HOMER2: variants seen among roughly 807,000 people sequenced by gnomAD.
The protein encoded by HOMER2 is homer scaffold protein 2.
HOMER2 carries 27 observed loss-of-function variants against 47.0 expected under a neutral mutation model. That is an observed-to-expected ratio of 0.57 (90% CI 0.42 to 0.79). HOMER2 has a LOEUF of 0.79. Among genes scored for constraint, HOMER2 ranks in the 30% least tolerant of loss-of-function variants. The pLI is 0.00. For synonymous variants in HOMER2, 161 were observed against 163.8 expected, an observed-to-expected ratio of 0.98 and a Z score of 0.13; for missense variants, 443 against 435.0, an observed-to-expected ratio of 1.02 and a Z score of -0.16.
At chr15:82,909,328 A>C (rs903525919) in intron 1 of HOMER2, among the ~76,000 whole-genome samples, 1 of 152,170 alleles carries the variant, frequency 6.6e-6, no homozygotes, top group Non-Finnish European at 1.5e-5. Flanking sequence ...AGGGAGGGGA[A>C]AGGGGTCTTC....
intron 2 of HOMER2, among the ~76,000 whole-genome samples, chr15:82,891,490 C>G (rs148500660): frequency 6.6e-6 from 1 of 152,156 alleles, no homozygotes; most frequent in Admixed American, 6.5e-5. Flanking sequence ...CTGAAGAGAT[C>G]GGGAGGCACC....
chr15:82,938,922 GT>G (rs2054200409), intron 1 of HOMER2, among the ~76,000 whole-genome samples: 1 of 152,128 alleles, frequency 6.6e-6, no homozygotes, highest in Non-Finnish European at 1.5e-5. Context: ...CTTCCTCTGA[GT>G]CTCATCACCT....
intron 1 of HOMER2, among the ~76,000 whole-genome samples, chr15:82,926,799 A>C (rs946978175): frequency 6.6e-6 from 1 of 152,214 alleles, no homozygotes; most frequent in African/African-American, 2.4e-5. Context: ...GATTGATGCC[A>C]TTATACAAGG....
At chr15:82,860,883 G>C (rs553919054) in intron 4 of HOMER2, among the ~76,000 whole-genome samples, 2 of 151,088 alleles carry the variant, frequency 1.3e-5, no homozygotes, top group Non-Finnish European at 2.9e-5. Flanking sequence ...GTTGCAGTGA[G>C]CCGAGATCAC....
chr15:82,865,618 G>C (rs1008282228), intron 3 of HOMER2, among the ~76,000 whole-genome samples: 8 of 152,184 alleles, frequency 5.3e-5, no homozygotes, highest in Admixed American at 4.6e-4. Flanking sequence ...AATGAGATAG[G>C]ATAAGCCCTA....
At chr15:82,966,962 A>C (rs1223987495) in intron 1 of HOMER2, among the ~76,000 whole-genome samples, 1 of 152,214 alleles carries the variant, frequency 6.6e-6, no homozygotes, top group Non-Finnish European at 1.5e-5. Flanking sequence ...GTCAACTCTA[A>C]AAAGGATGTT....
intron 1 of HOMER2, among the ~76,000 whole-genome samples, chr15:82,982,606 T>C (rs570831770): frequency 1.3e-5 from 2 of 152,208 alleles, no homozygotes; most frequent in Non-Finnish European, 2.9e-5. Flanking sequence ...GAGTGTCATG[T>C]TGGCACTCAA....
chr15:82,952,907 GCCAC>G (rs1318026313), upstream of HOMER2, among the ~76,000 whole-genome samples: 1 of 151,994 alleles, frequency 6.6e-6, no homozygotes, highest in Non-Finnish European at 1.5e-5. Context: ...TTTCTCCCGG[GCCAC>G]CCAGTCCTCG....
At chr15:82,910,478 T>A (rs1567048501) in intron 1 of HOMER2, among the ~76,000 whole-genome samples, 1 of 152,198 alleles carries the variant, frequency 6.6e-6, no homozygotes, top group Non-Finnish European at 1.5e-5. Context: ...ACTAGCCACG[T>A]AGGTCATGAT....
At position 82,864,224 on chromosome 15, in the gene HOMER2, G is replaced by A. The variant is rs546290332; in HGVS notation, c.330C>T (p.Ala110=). 1.2e-5 allele frequency: 19 copies of A among 1,612,078 alleles called. No homozygotes were observed. Among genetic ancestry groups the A allele is most frequent in the Non-Finnish European group, 1.6e-5 (19 of 1,179,124 alleles). Reference sequence around the variant, plus strand: ...CCTGCGTCTTGTCTTTGGCTATCTTGGCAGCTTCTTTCACCTCCTGGAATT... The same window carrying A: ...CCTGCGTCTTGTCTTTGGCTATCTTAGCAGCTTCTTTCACCTCCTGGAATT... ...AEKFQEVKEA[A]KIAKDKTQEK... Residue 110 remains alanine, a synonymous_variant, in exon 4 of 9, where the codon GCC becomes GCT. Coordinates refer to ENST00000450735, the MANE Select transcript of HOMER2 (RefSeq NM_004839.4).
At chr15:82,983,877 C>G (rs2030484162) in intron 1 of HOMER2, among the ~76,000 whole-genome samples, 1 of 152,090 alleles carries the variant, frequency 6.6e-6, no homozygotes, top group South Asian at 2.1e-4. Context: ...CAGGAGTAAG[C>G]CACCGCACCC....
chr15:82,851,238 G>A lies in HOMER2; in HGVS notation c.763-7C>T. ...TTCGGAGATCTTTCAGCTCCTACAT[G>A]AAAAAAATTTGAGATAGAACATGAA... On this transcript the variant is annotated splice_region_variant and splice_polypyrimidine_tract_variant and intron_variant, in intron 7 of 8. Transcript: ENST00000450735. 2 of 1,546,746 alleles carry A rather than the reference G, an allele frequency of 1.3e-6. No homozygotes were observed. The highest frequency in any genetic ancestry group is 1.8e-6 in the Non-Finnish European group (2 of 1,140,676).
intron 1 of HOMER2, among the ~76,000 whole-genome samples, chr15:82,907,477 A>G (rs1175443035): frequency 3.3e-5 from 5 of 151,520 alleles, no homozygotes; most frequent in African/African-American, 1.2e-4. Context: ...AGGAGAAAGG[A>G]AGGAAAGAAA....
At chr15:82,904,949 G>A (rs777352979) in intron 1 of HOMER2, among the ~76,000 whole-genome samples, 3 of 152,284 alleles carry the variant, frequency 2.0e-5, no homozygotes, top group South Asian at 2.1e-4. Flanking sequence ...ACCTGCAGTC[G>A]TAATATGGCA....
intron 1 of HOMER2, among the ~76,000 whole-genome samples, chr15:82,964,348 A>G (rs183766012): frequency 6.6e-6 from 1 of 152,380 alleles, no homozygotes; most frequent in East Asian, 1.9e-4. Context: ...AAGGGTTACA[A>G]TAAAACAGGC....
intron 1 of HOMER2, among the ~76,000 whole-genome samples, chr15:82,929,980 C>T (rs535627827): frequency 4.6e-5 from 7 of 152,168 alleles, no homozygotes; most frequent in African/African-American, 9.6e-5. Flanking sequence ...CCGTCCGCCT[C>T]GGCCTCCCAA....
intron 4 of HOMER2, among the ~76,000 whole-genome samples, chr15:82,862,227 CTATACCTGGG>C (rs1298869972): frequency 2.0e-5 from 3 of 152,100 alleles, no homozygotes; most frequent in Non-Finnish European, 2.9e-5. Context: ...ACAATAACCT[CTATACCTGGG>C]GAACTATCAG....
At chr15:82,853,438 A>G (rs1462907516) in intron 6 of HOMER2, among the ~76,000 whole-genome samples, 2 of 152,212 alleles carry the variant, frequency 1.3e-5, no homozygotes, top group Admixed American at 6.5e-5. Flanking sequence ...AAGATGAAAA[A>G]ATGACACGAG....
intron 2 of HOMER2, among the ~76,000 whole-genome samples, chr15:82,882,813 T>C (rs2052566638): frequency 6.6e-6 from 1 of 151,524 alleles, no homozygotes; most frequent in Non-Finnish European, 1.5e-5. Flanking sequence ...GCCCACAGTT[T>C]ACACAGAAGC....
Sources: gnomAD v4.1 joint callset for allele counts (sites outside exome capture counted in the v4.1 genomes callset) on GRCh38, gnomAD v4.1.1 for gene constraint, MANE v1.5 for transcripts, NCBI Gene and HGNC (gene_info 2026-07-23, HGNC 2026-07-21) for gene names.